NCOA1: variants seen among roughly 807,000 people sequenced by gnomAD.
The protein encoded by NCOA1 is nuclear receptor coactivator 1.
Under a neutral mutation model 150.9 loss-of-function variants are expected in NCOA1, and 35 were observed. That is an observed-to-expected ratio of 0.23 (90% CI 0.18 to 0.31). The LOEUF (loss-of-function observed/expected upper bound fraction) is 0.31. Ranked by LOEUF, NCOA1 falls within the 10% of genes least tolerant of loss-of-function variation. The pLI is 1.00. For synonymous variants in NCOA1, 590 were observed against 630.0 expected (o/e 0.94, Z 0.95); for missense variants, 1,491 against 1,749.3 (o/e 0.85, Z 2.63).
intron 1 of NCOA1, among the ~76,000 whole-genome samples, chr2:24,541,265 G>A (rs983161380): frequency 6.6e-6 from 1 of 152,196 alleles, no homozygotes; most frequent in Non-Finnish European, 1.5e-5. Context: ...AGGGGAGCCT[G>A]CAGGCAAGGG....
intron 3 of NCOA1, among the ~76,000 whole-genome samples, chr2:24,614,889 T>C (rs1425520404): frequency 6.6e-6 from 1 of 152,282 alleles, no homozygotes; most frequent in African/African-American, 2.4e-5. Context: ...TGTTATATGC[T>C]AGGCTCCATT....
intron 3 of NCOA1, among the ~76,000 whole-genome samples, chr2:24,642,336 T>G (rs1249456404): frequency 7.1e-6 from 1 of 139,980 alleles, no homozygotes; most frequent in Admixed American, 7.4e-5. Context: ...TATATATATA[T>G]TTTTTAAAAT....
At chr2:24,762,899 T>C (rs972007891) in intron 22 of NCOA1, 123 bp downstream of exon 22, 4 of 812,232 alleles carry the variant, frequency 4.9e-6, no homozygotes, top group Non-Finnish European at 8.2e-6. Flanking sequence ...CTGGCTCTGC[T>C]CTTCTTAGCT....
intron 3 of NCOA1, among the ~76,000 whole-genome samples, chr2:24,641,112 CTT>C (rs1346576326): frequency 2.6e-5 from 4 of 151,750 alleles, no homozygotes; most frequent in African/African-American, 7.2e-5. Context: ...GAACACTACT[CTT>C]TTATAATTTT....
At chr2:24,656,980 A>T (rs954798394) in intron 4 of NCOA1, among the ~76,000 whole-genome samples, 1 of 152,242 alleles carries the variant, frequency 6.6e-6, no homozygotes, top group African/African-American at 2.4e-5. Flanking sequence ...GGACATATGC[A>T]TATTTGTAGG....
At chr2:24,624,215 T>C (rs191611419) in intron 3 of NCOA1, among the ~76,000 whole-genome samples, 1 of 152,306 alleles carries the variant, frequency 6.6e-6, no homozygotes, top group East Asian at 1.9e-4. Context: ...CAGTTTTAAC[T>C]GACAATACAA....
chr2:24,679,804 T>C (rs1431427274), intron 7 of NCOA1, among the ~76,000 whole-genome samples: 1 of 152,148 alleles, frequency 6.6e-6, no homozygotes, highest in Non-Finnish European at 1.5e-5. Flanking sequence ...AGATTATTAA[T>C]CACGTCCCTA....
chr2:24,730,123 C>T (rs1160804560), intron 17 of NCOA1, among the ~76,000 whole-genome samples: 2 of 152,144 alleles, frequency 1.3e-5, no homozygotes, highest in East Asian at 1.9e-4. Flanking sequence ...GGATTACAGG[C>T]GTGAGCCACC....
rs36086647 is a variant in NCOA1, at chr2:24,537,239, TACACACACAC to T, written c.-395-27036_-395-27027del. Among the ~76,000 whole-genome samples, 8 of 148,666 alleles carry T rather than the reference TACACACACAC, an allele frequency of 5.4e-5. No individual in the cohort carries two copies. In the South Asian group the frequency reaches 6.4e-4, roughly 12 times the overall value. On this transcript the variant is annotated intron_variant, in intron 1 of 22. Transcript: ENST00000348332. ...AAATCAATAAGGTAACTGTGATACA[TACACACACAC>T]ACACACACACACACACACAGACACA...
intron 8 of NCOA1, among the ~76,000 whole-genome samples, chr2:24,689,867 A>AG (rs1280481827): frequency 4.5e-4 from 69 of 152,204 alleles, no homozygotes; most frequent in African/African-American, 1.6e-3. Context: ...TCTTTAGCCT[A>AG]TATATGCTCC....
chr2:24,749,444 A>C (rs1049004238), intron 19 of NCOA1, among the ~76,000 whole-genome samples: 2 of 152,258 alleles, frequency 1.3e-5, no homozygotes, highest in Non-Finnish European at 2.9e-5. Context: ...GTTTGTGTGT[A>C]CAAATCAAGG....
intron 7 of NCOA1, among the ~76,000 whole-genome samples, chr2:24,679,728 A>G (rs1192873229): frequency 6.6e-6 from 1 of 152,178 alleles, no homozygotes; most frequent in Non-Finnish European, 1.5e-5. Flanking sequence ...ATATGAGTGT[A>G]CTTTCCTGTG....
intron 3 of NCOA1, among the ~76,000 whole-genome samples, chr2:24,588,681 C>G (rs1282499759): frequency 6.6e-6 from 1 of 152,092 alleles, no homozygotes; most frequent in Admixed American, 6.6e-5. Flanking sequence ...TGTGGCCTGC[C>G]CACACCCCCA....
chr2:24,549,574 C>G (rs1438566206), intron 1 of NCOA1, among the ~76,000 whole-genome samples: 2 of 151,940 alleles, frequency 1.3e-5, no homozygotes, highest in African/African-American at 2.4e-5. Context: ...GCTCTATTTC[C>G]CTTTTCTTTT....
At chr2:24,757,658 T>C (rs1359265246) in intron 20 of NCOA1, among the ~76,000 whole-genome samples, 1 of 152,168 alleles carries the variant, frequency 6.6e-6, no homozygotes, top group African/African-American at 2.4e-5. Flanking sequence ...TCTGTTTAGA[T>C]AGGTAAATGT....
intron 17 of NCOA1, among the ~76,000 whole-genome samples, chr2:24,733,164 G>T (rs1211929020): frequency 6.6e-6 from 1 of 152,148 alleles, no homozygotes. Context: ...ATTAAATCAA[G>T]AAATTGAGGT....
At chr2:24,538,361 ATGGT>A (rs1665252104) in intron 1 of NCOA1, among the ~76,000 whole-genome samples, 1 of 152,214 alleles carries the variant, frequency 6.6e-6, no homozygotes, top group African/African-American at 2.4e-5. Flanking sequence ...AACTATTAAG[ATGGT>A]ATTATCCTTT....
intron 1 of NCOA1, among the ~76,000 whole-genome samples, chr2:24,523,161 C>T (rs533867415): frequency 5.3e-5 from 8 of 152,328 alleles, no homozygotes; most frequent in Non-Finnish European, 1.2e-4. Flanking sequence ...CTGTGTCCTT[C>T]GGTCCTCCCT....
At chr2:24,503,351 A>G (rs989918862) in intron 1 of NCOA1, among the ~76,000 whole-genome samples, 3 of 152,188 alleles carry the variant, frequency 2.0e-5, no homozygotes, top group African/African-American at 4.8e-5. Context: ...TGGGTGACAG[A>G]AAAACTTGTG....
Sources: gnomAD v4.1 joint callset for allele counts (sites outside exome capture counted in the v4.1 genomes callset) on GRCh38, gnomAD v4.1.1 for gene constraint, MANE v1.5 for transcripts, NCBI Gene and HGNC (gene_info 2026-07-23, HGNC 2026-07-21) for gene names.